The following NR3C1 variants were observed in gnomAD, a reference collection of about 807,000 sequenced individuals.
The protein encoded by NR3C1 is glucocorticoid receptor.
Under a neutral mutation model 74.0 loss-of-function variants are expected in NR3C1, and 14 were observed. The ratio of observed to expected loss-of-function variants is 0.19; its 90% CI spans 0.12 to 0.30. The LOEUF is 0.30. Among genes scored for constraint, NR3C1 ranks in the 10% least tolerant of loss-of-function variants. NR3C1 has a pLI of 1.00. For synonymous variants in NR3C1, 308 were observed against 332.5 expected (o/e 0.93, Z 0.80); for missense variants, 695 against 909.8 (o/e 0.76, Z 3.04).
chr5:143,298,774 G>C lies in NR3C1; in HGVS notation c.1786C>G (p.Leu596Val). The change falls in exon 6 of 9, where the codon CTG becomes GTG. Residue 596 changes from leucine (L) to valine (V), a missense_variant. Leu to Val is a conservative substitution (Grantham distance 32). Transcript: ENST00000394464. ...NLHLDDQMTL[L>V]QYSWMFLMAF... Reference sequence around the variant, plus strand: ...ATAAGAAACATCCAGGAGTACTGCAGTAGGGTCATTTGGTCATCCAGGTGT... The same window carrying C: ...ATAAGAAACATCCAGGAGTACTGCACTAGGGTCATTTGGTCATCCAGGTGT... 1 of 1,613,816 alleles carries C rather than the reference G, an allele frequency of 6.2e-7. No individual in the cohort carries two copies. The highest frequency in any genetic ancestry group is 8.5e-7 in the Non-Finnish European group (1 of 1,179,872).
intron 2 of NR3C1, among the ~76,000 whole-genome samples, chr5:143,375,361 C>G (rs1835000274): frequency 6.6e-6 from 1 of 152,096 alleles, no homozygotes; most frequent in South Asian, 2.1e-4. Context: ...AAGATACACA[C>G]ACAAAGATAC....
At chr5:143,343,163 T>C (rs766132615) in intron 2 of NR3C1, among the ~76,000 whole-genome samples, 12 of 152,212 alleles carry the variant, frequency 7.9e-5, no homozygotes, top group Non-Finnish European at 1.6e-4. Flanking sequence ...CCTTTTCATA[T>C]TTAGAATGGC....
chr5:143,333,755 A>C (rs1826512316), intron 2 of NR3C1, among the ~76,000 whole-genome samples: 2 of 152,168 alleles, frequency 1.3e-5, no homozygotes, highest in African/African-American at 4.8e-5. Flanking sequence ...CGACAGAGCG[A>C]GACTCCATCT....
intron 1 of NR3C1, among the ~76,000 whole-genome samples, chr5:143,427,807 A>T (rs781448449): frequency 6.6e-6 from 1 of 152,162 alleles, no homozygotes; most frequent in Non-Finnish European, 1.5e-5. Context: ...TCTACCACTC[A>T]CTAGCATTGT....
At chr5:143,429,733 T>C (rs1288547938) in intron 1 of NR3C1, among the ~76,000 whole-genome samples, 1 of 152,184 alleles carries the variant, frequency 6.6e-6, no homozygotes, top group East Asian at 1.9e-4. Flanking sequence ...TATTAACTAG[T>C]AGAAGAATGG....
chr5:143,400,864 A>C lies in NR3C1; in HGVS notation c.-13-12T>G. On this transcript the variant is annotated splice_polypyrimidine_tract_variant and intron_variant, in intron 1 of 8. Transcript: ENST00000394464. The stretch of plus-strand genomic sequence containing the variant: ...TCAGTGAATATCAACTACAAAACAA[A>C]AAACAAAAACGGGGGGAAAACATCA... 6.3e-7 allele frequency: 1 copy of C among 1,595,722 alleles called. No individual in the cohort carries two copies. The highest frequency in any genetic ancestry group is 8.6e-7 in the Non-Finnish European group (1 of 1,167,102).
chr5:143,402,677 C>A lies in NR3C1; in HGVS notation c.-14+534G>T, dbSNP rs1432042210. On this transcript the variant is annotated intron_variant, in intron 1 of 8. Transcript: ENST00000394464. ...CCGGCCGCAGTCTCCAAGTTGCGGG[C>A]TGTCAGCCCCCCGCGTGTGCACCCT... 1.4e-5 allele frequency: 14 copies of A among 985,358 alleles called. No individual in the cohort carries two copies. The Admixed American group carries it at 1.8e-4, about 13-fold the overall frequency. 61.0% of individuals were successfully genotyped at this position (985,358 alleles called of 1,614,324 possible). A position where few individuals can be genotyped will look rare whatever the true frequency, so the allele number is the denominator to read the frequency against.
At chr5:143,378,566 G>T (rs931493834) in intron 2 of NR3C1, among the ~76,000 whole-genome samples, 1 of 152,082 alleles carries the variant, frequency 6.6e-6, no homozygotes, top group African/African-American at 2.4e-5. Flanking sequence ...CACTTACCTG[G>T]TACCTCTCCT....
At chr5:143,384,981 G>A (rs1446929072) in intron 2 of NR3C1, among the ~76,000 whole-genome samples, 1 of 152,210 alleles carries the variant, frequency 6.6e-6, no homozygotes, top group Non-Finnish European at 1.5e-5. Flanking sequence ...GGACATCCAG[G>A]CATTTCCATA....
chr5:143,389,443 T>C (rs1600509484), intron 2 of NR3C1, among the ~76,000 whole-genome samples: 2 of 152,208 alleles, frequency 1.3e-5, no homozygotes, highest in Non-Finnish European at 2.9e-5. Context: ...AGAGAAACAC[T>C]GAGGCATACA....
chr5:143,430,761 T>C lies in NR3C1; in HGVS notation c.-14+3771A>G, dbSNP rs139425534. ...CCAGACTGTGAGAAATAAATGTTTG[T>C]TGTTTAAGCCACCAAATCTATGGTA... On this transcript the variant is annotated intron_variant, in intron 1 of 8. Coordinates refer to the NR3C1 transcript ENST00000343796. Among the ~76,000 whole-genome samples the C allele has an allele frequency of 2.7e-4, 41 of 152,288 alleles. No homozygotes were observed. The East Asian group carries it at 6.9e-3, about 26-fold the overall frequency.
chr5:143,325,036 A>G (rs1394681162), intron 2 of NR3C1, among the ~76,000 whole-genome samples: 1 of 152,210 alleles, frequency 6.6e-6, no homozygotes, highest in African/African-American at 2.4e-5. Flanking sequence ...TAACTTTCCC[A>G]CATTTTCCCG....
chr5:143,318,186 A>G (rs1822570579), intron 2 of NR3C1, among the ~76,000 whole-genome samples: 1 of 152,174 alleles, frequency 6.6e-6, no homozygotes, highest in Non-Finnish European at 1.5e-5. Context: ...TCTTAGGGAA[A>G]GAGAAGTGCT....
chr5:143,416,004 T>G (rs1437495900), intron 1 of NR3C1, among the ~76,000 whole-genome samples: 1 of 152,204 alleles, frequency 6.6e-6, no homozygotes, highest in East Asian at 1.9e-4. Flanking sequence ...TCCATCCTTA[T>G]GTTAAATGCA....
At chr5:143,414,360 G>A (rs557383120) in intron 1 of NR3C1, among the ~76,000 whole-genome samples, 70 of 152,224 alleles carry the variant, frequency 4.6e-4, no homozygotes, top group East Asian at 1.9e-4. Flanking sequence ...TGAATGTCAC[G>A]CAAATGTCTC....
chr5:143,367,479 A>C (rs1359632403), intron 2 of NR3C1, among the ~76,000 whole-genome samples: 1 of 152,236 alleles, frequency 6.6e-6, no homozygotes, highest in African/African-American at 2.4e-5. Context: ...CTCTAATTGC[A>C]GATGACATGA....
chr5:143,296,631 T>A (rs932508482), intron 6 of NR3C1, among the ~76,000 whole-genome samples: 2 of 152,182 alleles, frequency 1.3e-5, no homozygotes, highest in African/African-American at 4.8e-5. Flanking sequence ...ACAACAATTT[T>A]TTTTTCCCCC....
chr5:143,348,949 T>C (rs188702058), intron 2 of NR3C1, among the ~76,000 whole-genome samples: 2 of 152,300 alleles, frequency 1.3e-5, no homozygotes, highest in East Asian at 3.9e-4. Flanking sequence ...GAATAATTTT[T>C]CTCTCCATGC....
At chr5:143,367,627 G>T (rs1184901906) in intron 2 of NR3C1, among the ~76,000 whole-genome samples, 1 of 151,988 alleles carries the variant, frequency 6.6e-6, no homozygotes, top group Non-Finnish European at 1.5e-5. Context: ...ATCTTAAAGT[G>T]AAATTAAGAA....
Sources: allele counts gnomAD v4.1 joint callset (sites outside exome capture counted in the v4.1 genomes callset), GRCh38; gene constraint gnomAD v4.1.1; transcripts MANE v1.5; gene names NCBI Gene and HGNC (gene_info 2026-07-23, HGNC 2026-07-21).